SLC39A12: variants seen among roughly 807,000 people sequenced by gnomAD.
SLC39A12 encodes the protein solute carrier family 39 member 12.
SLC39A12 carries 63 observed loss-of-function variants against 71.1 expected under a neutral mutation model. The ratio of observed to expected loss-of-function variants is 0.89; its 90% CI spans 0.72 to 1.09. SLC39A12 has a LOEUF of 1.09. SLC39A12 is among the 50% of genes least tolerant of loss of function. The pLI is 0.00. For missense variants in SLC39A12, 892 were observed against 812.6 expected (o/e 1.10, Z -1.19); for synonymous variants, 351 against 301.3 (o/e 1.16, Z -1.71).
chr10:18,026,137 C>T (rs1836670134), intron 12 of SLC39A12, among the ~76,000 whole-genome samples: 1 of 152,120 alleles, frequency 6.6e-6, no homozygotes, highest in African/African-American at 2.4e-5. Flanking sequence ...TTCCCTTATT[C>T]GTTCTCAAGT....
intron 5 of SLC39A12, among the ~76,000 whole-genome samples, chr10:17,978,728 A>T (rs971895786): frequency 6.6e-6 from 1 of 152,252 alleles, no homozygotes; most frequent in Non-Finnish European, 1.5e-5. Flanking sequence ...TGCAAAACAC[A>T]CACAACAACC....
chr10:18,019,528 C>G (rs1280574860), intron 12 of SLC39A12, among the ~76,000 whole-genome samples: 1 of 151,886 alleles, frequency 6.6e-6, no homozygotes, highest in Admixed American at 6.6e-5. Flanking sequence ...ATATCTGATT[C>G]TTTTCTGAAA....
chr10:17,990,308 A>AT lies in SLC39A12; in HGVS notation c.1270-842dup, dbSNP rs1289712004. Among the ~76,000 whole-genome samples the AT allele has an allele frequency of 7.2e-5, 11 of 152,314 alleles. No individual in the cohort carries two copies. In the East Asian group the frequency reaches 1.5e-3, roughly 21 times the overall value. ...TGTAGATACATATGTATACTCACAT[A>AT]TACACACGTACATATATGTATGTAC... is the stretch of plus-strand genomic sequence containing the variant. On this transcript the variant is annotated intron_variant, in intron 7 of 12. Transcript: ENST00000377369.
intron 10 of SLC39A12, among the ~76,000 whole-genome samples, chr10:17,996,851 A>G (rs1437169305): frequency 1.3e-5 from 2 of 152,014 alleles, no homozygotes; most frequent in African/African-American, 4.8e-5. Flanking sequence ...ACAAAAAATT[A>G]GCAGGGCGTA....
intron 2 of SLC39A12, among the ~76,000 whole-genome samples, chr10:17,957,113 A>C (rs1375630824): frequency 6.6e-6 from 1 of 152,220 alleles, no homozygotes; most frequent in Non-Finnish European, 1.5e-5. Context: ...CCATTGTTTA[A>C]AATCAAATGT....
chr10:18,034,894 C>T (rs879862697), intron 12 of SLC39A12, among the ~76,000 whole-genome samples: 7 of 151,694 alleles, frequency 4.6e-5, no homozygotes, highest in Non-Finnish European at 7.4e-5. Flanking sequence ...TTTTATTTCT[C>T]CTTCACTTAT....
rs978216649 is a variant in SLC39A12, at chr10:17,961,614, G to A, written c.295G>A (p.Gly99Arg). 1 of 1,613,686 alleles carries A rather than the reference G, an allele frequency of 6.2e-7. No individual in the cohort carries two copies. The highest frequency in any genetic ancestry group is 1.3e-5 in the African/African-American group (1 of 75,010). ...ACCAGATGCACTATTACTAATAGCT[G>A]GAGGAAATTTTGAAGATCAGCTTAG... is the stretch of plus-strand genomic sequence containing the variant. ...FEPDALLLIA[G>R]GNFEDQLREE... Residue 99 changes from glycine (G) to arginine (R), a missense_variant, in exon 3 of 13, where the codon GGA becomes AGA. Gly to Arg is a moderately radical substitution (Grantham distance 125). Transcript: ENST00000377369.
At chr10:17,957,736 CAT>C (rs1834586218) in intron 2 of SLC39A12, among the ~76,000 whole-genome samples, 1 of 152,142 alleles carries the variant, frequency 6.6e-6, no homozygotes, top group East Asian at 1.9e-4. Flanking sequence ...AGCTTTTTGT[CAT>C]ATCTATGTCC....
At chr10:17,996,245 TG>T (rs1475159291) in intron 10 of SLC39A12, among the ~76,000 whole-genome samples, 1 of 125,892 alleles carries the variant, frequency 7.9e-6, no homozygotes, top group Non-Finnish European at 1.7e-5. Flanking sequence ...CAAAGCTTGA[TG>T]TTTTTTCTAT....
At chr10:18,039,741 A>G (rs1837167331) in intron 12 of SLC39A12, among the ~76,000 whole-genome samples, 1 of 152,188 alleles carries the variant, frequency 6.6e-6, no homozygotes, top group Non-Finnish European at 1.5e-5. Flanking sequence ...AAAGAAAAAC[A>G]AGGTATTGGA....
chr10:17,970,920 A>G (rs1274286240), intron 4 of SLC39A12, among the ~76,000 whole-genome samples: 1 of 152,068 alleles, frequency 6.6e-6, no homozygotes, highest in Non-Finnish European at 1.5e-5. Flanking sequence ...CTCATTCATT[A>G]TGATACTAGC....
chr10:17,960,958 G>A (rs1834672922), intron 2 of SLC39A12, among the ~76,000 whole-genome samples: 1 of 152,186 alleles, frequency 6.6e-6, no homozygotes, highest in African/African-American at 2.4e-5. Flanking sequence ...AAATCTTGCT[G>A]CTAAAGAACT....
chr10:18,033,597 A>T, intron 12 of SLC39A12, among the ~76,000 whole-genome samples: 1 of 143,214 alleles, frequency 7.0e-6, no homozygotes, highest in East Asian at 2.1e-4. Flanking sequence ...CTTTCAAAAA[A>T]CCAGCTCCTG....
intron 4 of SLC39A12, among the ~76,000 whole-genome samples, chr10:17,976,600 T>A (rs78642133): frequency 0.022 from 3,407 of 152,060 alleles, 117 homozygotes; most frequent in African/African-American, 0.074. Context: ...ATATATATAT[T>A]TTTTTGTAGA....
chr10:18,041,817 G>A lies in SLC39A12; in HGVS notation c.1948-888G>A, dbSNP rs1422427036. Reference sequence around the variant, plus strand: ...TCTATATGTATATACATATGTATACGTATATGTATGTACATACATATGTAT... The same window carrying A: ...TCTATATGTATATACATATGTATACATATATGTATGTACATACATATGTAT... On this transcript the variant is annotated intron_variant, in intron 12 of 12. Coordinates refer to ENST00000377369, the MANE Select transcript of SLC39A12 (RefSeq NM_001145195.2). Among the ~76,000 whole-genome samples, 12 of 129,896 alleles carry A rather than the reference G, an allele frequency of 9.2e-5. 1 individual carries two copies. The highest frequency in any genetic ancestry group is 2.4e-4 in the South Asian group (1 of 4,176). The allele number at this position is 129,896 out of a possible 152,430, so 85.2% of individuals were successfully genotyped here. A position where few individuals can be genotyped will look rare whatever the true frequency, so the allele number is the denominator to read the frequency against.
intron 12 of SLC39A12, among the ~76,000 whole-genome samples, chr10:18,037,793 G>A (rs1403975853): frequency 3.9e-5 from 6 of 151,952 alleles, no homozygotes; most frequent in Non-Finnish European, 8.8e-5. Context: ...GGAGGCCAAG[G>A]TGGGCGGATC....
At chr10:18,019,440 T>C (rs544643428) in intron 12 of SLC39A12, among the ~76,000 whole-genome samples, 24 of 152,148 alleles carry the variant, frequency 1.6e-4, no homozygotes, top group Admixed American at 3.9e-4. Context: ...AGATTTAATT[T>C]GCTCTTCTTT....
rs554272699 is a variant in SLC39A12, at chr10:18,036,139, T to A, written c.1948-6566T>A. On this transcript the variant is annotated intron_variant, in intron 12 of 12. Coordinates refer to ENST00000377369, the MANE Select transcript of SLC39A12 (RefSeq NM_001145195.2). The stretch of plus-strand genomic sequence containing the variant: ...CTGCCCCCAGAGGTGGAGCCTGCAG[T>A]GGCAGGCAGGCCTCCTTGAGCTGTG... Among the ~76,000 whole-genome samples the A allele has an allele frequency of 3.4e-3, 518 of 152,330 alleles. 4 individuals carry two copies. The highest frequency in any genetic ancestry group is 0.012 in the African/African-American group (496 of 41,544).
rs749201988 is a variant in SLC39A12, at chr10:17,961,355, G to T, written c.262-226G>T. ...GGCAACAGATCAACAACTTGTGGCCGATCTAGTTGGAGACAGGAATTATTC... is the reference window on the plus strand; with the variant it reads ...GGCAACAGATCAACAACTTGTGGCCTATCTAGTTGGAGACAGGAATTATTC... On this transcript the variant is annotated intron_variant, in intron 2 of 12. Coordinates refer to ENST00000377369, the MANE Select transcript of SLC39A12 (RefSeq NM_001145195.2). Among the ~76,000 whole-genome samples the T allele has an allele frequency of 1.3e-5, 2 of 152,168 alleles. 1 individual carries two copies. Among genetic ancestry groups the T allele is most frequent in the South Asian group, 4.1e-4 (2 of 4,826 alleles).
Sources: gnomAD v4.1 joint callset for allele counts (sites outside exome capture counted in the v4.1 genomes callset) on GRCh38, gnomAD v4.1.1 for gene constraint, MANE v1.5 for transcripts, NCBI Gene and HGNC (gene_info 2026-07-23, HGNC 2026-07-21) for gene names.